Variants in MACROD2 observed in about 807,000 individuals in gnomAD.
MACROD2 encodes the protein ADP-ribose glycohydrolase MACROD2.
In MACROD2, 36 loss-of-function variants were observed where a neutral mutation model predicts 70.4. The observed-to-expected ratio is 0.51, with a 90% CI of 0.39 to 0.68. The LOEUF (loss-of-function observed/expected upper bound fraction) is 0.68, where lower values mean the gene tolerates loss of function less well. Ranked by LOEUF, MACROD2 falls within the 30% of genes least tolerant of loss-of-function variation. The pLI is 0.00. For missense variants in MACROD2, 496 were observed against 538.4 expected (o/e 0.92, Z 0.78); for synonymous variants, 172 against 178.8 (o/e 0.96, Z 0.30).
At chr20:14,478,383 G>A (rs1443984975) in intron 3 of MACROD2, among the ~76,000 whole-genome samples, 1 of 152,140 alleles carries the variant, frequency 6.6e-6, no homozygotes, top group African/African-American at 2.4e-5. Context: ...TGAAGGGGCT[G>A]CCAGCTAAGG....
intron 3 of MACROD2, among the ~76,000 whole-genome samples, chr20:14,147,007 G>C (rs1294813947): frequency 6.6e-6 from 1 of 152,176 alleles, no homozygotes; most frequent in Non-Finnish European, 1.5e-5. Flanking sequence ...CTGGGGGTGA[G>C]AGTATCTCCA....
intron 10 of MACROD2, among the ~76,000 whole-genome samples, chr20:15,886,329 A>C (rs780961024): frequency 2.0e-5 from 3 of 152,150 alleles, no homozygotes; most frequent in Non-Finnish European, 2.9e-5. Context: ...GGGCTTCCTC[A>C]AAGCATGGCG....
intron 8 of MACROD2, among the ~76,000 whole-genome samples, chr20:15,752,772 A>G (rs1320721686): frequency 6.6e-6 from 1 of 152,080 alleles, no homozygotes; most frequent in Non-Finnish European, 1.5e-5. Context: ...CATCTAAATC[A>G]CAGTACCTCA....
chr20:14,293,605 G>A (rs1255661569), intron 3 of MACROD2, among the ~76,000 whole-genome samples: 2 of 151,862 alleles, frequency 1.3e-5, no homozygotes, highest in African/African-American at 2.4e-5. Flanking sequence ...GTTCAGAGAG[G>A]TGAGCAGGGA....
At chr20:14,111,547 A>G (rs1246391072) in intron 3 of MACROD2, among the ~76,000 whole-genome samples, 1 of 152,102 alleles carries the variant, frequency 6.6e-6, no homozygotes, top group Non-Finnish European at 1.5e-5. Context: ...AAATGGGCCA[A>G]AGATGTGAAT....
At chr20:15,755,661 A>G (rs557326177) in intron 8 of MACROD2, among the ~76,000 whole-genome samples, 1 of 152,234 alleles carries the variant, frequency 6.6e-6, no homozygotes, top group Admixed American at 6.5e-5. Flanking sequence ...TCTCTATTAA[A>G]CTGGAAGACC....
intron 5 of MACROD2, among the ~76,000 whole-genome samples, chr20:14,726,072 A>G (rs2071526476): frequency 6.6e-6 from 1 of 152,184 alleles, no homozygotes; most frequent in African/African-American, 2.4e-5. Flanking sequence ...AATTATTAAA[A>G]CAAGAGAGAA....
chr20:16,004,610 C>T (rs1400933162), intron 15 of MACROD2, among the ~76,000 whole-genome samples: 2 of 152,204 alleles, frequency 1.3e-5, no homozygotes, highest in African/African-American at 4.8e-5. Context: ...CACACTAGCT[C>T]TCTTATACTC....
intron 5 of MACROD2, chr20:14,888,285 A>G (rs1164650385): frequency 6.6e-6 from 1 of 152,284 alleles, no homozygotes; most frequent in Non-Finnish European, 1.5e-5. Context: ...TGCCACAGCC[A>G]TCCTCTCTTC....
chr20:15,765,157 C>G (rs1048991154), intron 8 of MACROD2, among the ~76,000 whole-genome samples: 3 of 152,170 alleles, frequency 2.0e-5, no homozygotes, highest in East Asian at 1.9e-4. Context: ...TACCCCTTGG[C>G]CTTCATTGCA....
At chr20:14,012,386 C>G (rs1187774167) in intron 2 of MACROD2, among the ~76,000 whole-genome samples, 1 of 152,172 alleles carries the variant, frequency 6.6e-6, no homozygotes, top group Non-Finnish European at 1.5e-5. Flanking sequence ...CAATCCTGCA[C>G]TCACATAAAA....
At chr20:15,001,312 A>G (rs1171964356) in intron 5 of MACROD2, among the ~76,000 whole-genome samples, 1 of 152,188 alleles carries the variant, frequency 6.6e-6, no homozygotes, top group East Asian at 1.9e-4. Flanking sequence ...GGGACTGAGT[A>G]TACAGGACTT....
chr20:15,699,323 T>G (rs1274979456), intron 8 of MACROD2, among the ~76,000 whole-genome samples: 2 of 152,194 alleles, frequency 1.3e-5, no homozygotes, highest in African/African-American at 4.8e-5. Context: ...TCCTGAGAGC[T>G]GAACTGCAGT....
chr20:14,446,186 T>C (rs1021241646), intron 3 of MACROD2, among the ~76,000 whole-genome samples: 2 of 152,106 alleles, frequency 1.3e-5, no homozygotes, highest in African/African-American at 2.4e-5. Context: ...AAGCCTCTGA[T>C]GTGTGGATCC....
intron 5 of MACROD2, among the ~76,000 whole-genome samples, chr20:14,920,082 C>T (rs897863007): frequency 1.3e-5 from 2 of 152,182 alleles, no homozygotes; most frequent in Non-Finnish European, 2.9e-5. Context: ...GCAGAAACCT[C>T]TTCCCCTTGC....
chr20:15,938,335 G>A (rs1040044551), intron 12 of MACROD2, among the ~76,000 whole-genome samples: 5 of 152,112 alleles, frequency 3.3e-5, no homozygotes, highest in Non-Finnish European at 7.4e-5. Context: ...TGGGAACCCT[G>A]CATCAAGCAA....
At chr20:14,175,205 T>C (rs943836322) in intron 3 of MACROD2, among the ~76,000 whole-genome samples, 3 of 152,326 alleles carry the variant, frequency 2.0e-5, no homozygotes, top group Admixed American at 6.5e-5. Flanking sequence ...CTGCCTCCTA[T>C]CTGTCATTTT....
intron 12 of MACROD2, among the ~76,000 whole-genome samples, chr20:15,959,139 CTT>C (rs905368208): frequency 1.2e-4 from 18 of 152,166 alleles, no homozygotes; most frequent in Non-Finnish European, 2.2e-4. Flanking sequence ...GAAAATAACA[CTT>C]TTAATTTAAT....
intron 8 of MACROD2, among the ~76,000 whole-genome samples, chr20:15,704,837 C>G (rs1015183555): frequency 7.9e-5 from 12 of 152,212 alleles, no homozygotes; most frequent in Admixed American, 3.9e-4. Flanking sequence ...ACGAATCACT[C>G]AAGTATTTCT....
Sources: gnomAD v4.1 joint callset for allele counts (sites outside exome capture counted in the v4.1 genomes callset) on GRCh38, gnomAD v4.1.1 for gene constraint, MANE v1.5 for transcripts, NCBI Gene and HGNC (gene_info 2026-07-23, HGNC 2026-07-21) for gene names.